The following GRXCR1 variants were observed in gnomAD, a reference collection of about 807,000 sequenced individuals.
The protein encoded by GRXCR1 is glutaredoxin domain-containing cysteine-rich protein 1.
GRXCR1 carries 27 observed loss-of-function variants against 27.3 expected under a neutral mutation model. The ratio of observed to expected loss-of-function variants is 0.99; its 90% CI spans 0.73 to 1.37. GRXCR1 has a LOEUF of 1.37. GRXCR1 is among the 40% of genes most tolerant of loss of function. The pLI is 0.00. For missense variants in GRXCR1, 379 were observed against 354.4 expected (o/e 1.07, Z -0.56); for synonymous variants, 122 against 131.1 (o/e 0.93, Z 0.47).
chr4:42,981,852 G>T (rs1266370520), intron 2 of GRXCR1, among the ~76,000 whole-genome samples: 1 of 151,912 alleles, frequency 6.6e-6, no homozygotes, highest in African/African-American at 2.4e-5. Flanking sequence ...TTGCTTTCGG[G>T]ATCTTCTCTT....
chr4:42,968,712 A>G (rs1484425717), intron 2 of GRXCR1, among the ~76,000 whole-genome samples: 1 of 152,100 alleles, frequency 6.6e-6, no homozygotes, highest in African/African-American at 2.4e-5. Flanking sequence ...TCAGAAATGG[A>G]ATAAAAAAGA....
At chr4:43,004,551 C>A (rs1008510673) in intron 2 of GRXCR1, among the ~76,000 whole-genome samples, 1 of 152,208 alleles carries the variant, frequency 6.6e-6, no homozygotes, top group Non-Finnish European at 1.5e-5. Flanking sequence ...GGTAACCCTG[C>A]AGAGTGACAG....
At chr4:42,954,059 T>A (rs1447912304) in intron 1 of GRXCR1, among the ~76,000 whole-genome samples, 2 of 152,060 alleles carry the variant, frequency 1.3e-5, no homozygotes, top group African/African-American at 4.8e-5. Flanking sequence ...ATTTATGGAG[T>A]ATCCATATGC....
At chr4:42,923,679 A>G (rs1468256139) in intron 1 of GRXCR1, among the ~76,000 whole-genome samples, 1 of 152,040 alleles carries the variant, frequency 6.6e-6, no homozygotes, top group Non-Finnish European at 1.5e-5. Flanking sequence ...TCACTGGGTA[A>G]GGAGAAGCAC....
chr4:43,025,018 A>T (rs140934955), intron 3 of GRXCR1, among the ~76,000 whole-genome samples: 1 of 152,294 alleles, frequency 6.6e-6, no homozygotes, highest in Non-Finnish European at 1.5e-5. Context: ...GTTAAAAATA[A>T]TAAGAGCTTC....
intron 1 of GRXCR1, among the ~76,000 whole-genome samples, chr4:42,959,186 T>C (rs1458778405): frequency 6.6e-6 from 1 of 151,970 alleles, no homozygotes; most frequent in African/African-American, 2.4e-5. Flanking sequence ...TATCCTTTAA[T>C]GGATAAATTA....
At chr4:42,922,264 G>T (rs1219512728) in intron 1 of GRXCR1, among the ~76,000 whole-genome samples, 1 of 152,074 alleles carries the variant, frequency 6.6e-6, no homozygotes, top group African/African-American at 2.4e-5. Context: ...CCTGCCTCCT[G>T]GTCTGTCTGT....
At chr4:42,998,423 A>C (rs1712244451) in intron 2 of GRXCR1, among the ~76,000 whole-genome samples, 2 of 152,214 alleles carry the variant, frequency 1.3e-5, no homozygotes, top group Non-Finnish European at 2.9e-5. Context: ...GTAGAGTATA[A>C]ATACTACCTC....
At chr4:42,963,657 T>C (rs1748177930) in intron 2 of GRXCR1, among the ~76,000 whole-genome samples, 1 of 151,874 alleles carries the variant, frequency 6.6e-6, no homozygotes, top group Admixed American at 6.6e-5. Context: ...AATTCAGGCT[T>C]ACGGTAAGCA....
chr4:42,994,449 T>C (rs1290176589), intron 2 of GRXCR1, among the ~76,000 whole-genome samples: 2 of 152,148 alleles, frequency 1.3e-5, no homozygotes, highest in African/African-American at 4.8e-5. Flanking sequence ...CATGCCTTAC[T>C]CTGCTGCAGC....
At chr4:43,023,919 T>C (rs1192297730) in intron 3 of GRXCR1, among the ~76,000 whole-genome samples, 2 of 152,148 alleles carry the variant, frequency 1.3e-5, no homozygotes, top group African/African-American at 2.4e-5. Flanking sequence ...TTTATGTTAA[T>C]AAATAGGCTA....
At chr4:42,936,549 G>A (rs908856712) in intron 1 of GRXCR1, among the ~76,000 whole-genome samples, 1 of 151,714 alleles carries the variant, frequency 6.6e-6, no homozygotes, top group Non-Finnish European at 1.5e-5. Context: ...AATAAGTGTG[G>A]TACATTTGTC....
intron 1 of GRXCR1, among the ~76,000 whole-genome samples, chr4:42,916,146 G>C (rs899153180): frequency 6.6e-6 from 1 of 150,446 alleles, no homozygotes; most frequent in Non-Finnish European, 1.5e-5. Context: ...AAAACAGAAA[G>C]TTATAAGCAG....
At chr4:42,975,454 T>A (rs566075914) in intron 2 of GRXCR1, among the ~76,000 whole-genome samples, 58 of 152,206 alleles carry the variant, frequency 3.8e-4, no homozygotes, top group African/African-American at 1.3e-3. Context: ...AACAGCCCAA[T>A]GATTAATTAA....
intron 2 of GRXCR1, among the ~76,000 whole-genome samples, chr4:43,000,669 GTA>G (rs4035884): frequency 4.0e-5 from 6 of 149,728 alleles, no homozygotes; most frequent in African/African-American, 4.9e-5. Flanking sequence ...ATTGTTAGAG[GTA>G]TATATATATA....
chr4:42,927,907 G>A (rs971260909), intron 1 of GRXCR1, among the ~76,000 whole-genome samples: 8 of 151,978 alleles, frequency 5.3e-5, no homozygotes, highest in African/African-American at 1.9e-4. Flanking sequence ...GGAGAGTGGG[G>A]ATTGAGCAGA....
At chr4:42,992,882 A>G (rs1006839532) in intron 2 of GRXCR1, among the ~76,000 whole-genome samples, 10 of 152,262 alleles carry the variant, frequency 6.6e-5, no homozygotes, top group Non-Finnish European at 1.2e-4. Flanking sequence ...TAGTTTACTT[A>G]TACTTTTCAT....
At chr4:42,952,523 T>C (rs1419918914) in intron 1 of GRXCR1, among the ~76,000 whole-genome samples, 2 of 152,176 alleles carry the variant, frequency 1.3e-5, no homozygotes, top group Non-Finnish European at 2.9e-5. Flanking sequence ...CCACCTTGAC[T>C]ACTGTGAACT....
At chr4:42,919,908 T>C (rs1746970904) in intron 1 of GRXCR1, among the ~76,000 whole-genome samples, 1 of 152,286 alleles carries the variant, frequency 6.6e-6, no homozygotes, top group Admixed American at 6.5e-5. Context: ...ATGCATCATA[T>C]AATGTGGTTT....
Sources: allele counts gnomAD v4.1 joint callset (sites outside exome capture counted in the v4.1 genomes callset), GRCh38; gene constraint gnomAD v4.1.1; transcripts MANE v1.5; gene names NCBI Gene and HGNC (gene_info 2026-07-23, HGNC 2026-07-21).